The following ADAMTS9 variants were observed in gnomAD, a reference collection of about 807,000 sequenced individuals.
The protein encoded by ADAMTS9 is A disintegrin and metalloproteinase with thrombospondin motifs 9.
Under a neutral mutation model 257.1 loss-of-function variants are expected in ADAMTS9, and 107 were observed. The ratio of observed to expected loss-of-function variants is 0.42; its 90% CI spans 0.36 to 0.49. ADAMTS9 has a LOEUF of 0.49. ADAMTS9 is among the 20% of genes least tolerant of loss of function. The probability of loss-of-function intolerance (pLI) is 0.03; values close to 1 mark genes in which losing one functional copy is unlikely to be tolerated. For missense variants in ADAMTS9, 2,353 were observed against 2,469.1 expected (o/e 0.95, Z 1.00); for synonymous variants, 982 against 880.9 (o/e 1.11, Z -2.03).
In ADAMTS9 at chr3:64,622,422, G is replaced by C. The variant is rs1422438475; in HGVS notation, c.2554C>G (p.Gln852Glu). The C allele has an allele frequency of 1.9e-6, 3 of 1,613,854 alleles. No homozygotes were observed. Reference sequence around the variant, plus strand: ...TGGGCTCATGGTCAAGTTTTTACCTGAAGCAAAAGTTCTTGCTCAATGCGA... The same window carrying C: ...TGGGCTCATGGTCAAGTTTTTACCTCAAGCAAAAGTTCTTGCTCAATGCGA... ...TDRIEQELLL[Q>E]VLSVGKLYNP... The change falls in exon 17 of 40, where the codon CAG (glutamine) becomes GAG (glutamate). Residue 852 changes from glutamine to glutamate, a missense_variant and splice_region_variant. Gln to Glu is a conservative substitution (Grantham distance 29). Transcript: ENST00000498707.
intron 28 of ADAMTS9, among the ~76,000 whole-genome samples, chr3:64,578,582 C>A (rs1192423331): frequency 6.6e-6 from 1 of 152,130 alleles, no homozygotes; most frequent in African/African-American, 2.4e-5. Flanking sequence ...GGATGCTTAA[C>A]CACTGCAAAC....
chr3:64,564,776 A>C (rs7650200), intron 29 of ADAMTS9, among the ~76,000 whole-genome samples: 1 of 151,906 alleles, frequency 6.6e-6, no homozygotes, highest in South Asian at 2.1e-4. Context: ...CCCCATTTGA[A>C]AGCTTAGCTC....
At chr3:64,617,193 A>G (rs1250226530) in intron 19 of ADAMTS9, among the ~76,000 whole-genome samples, 1 of 152,200 alleles carries the variant, frequency 6.6e-6, no homozygotes, top group Non-Finnish European at 1.5e-5. Flanking sequence ...GAAGTGTGGC[A>G]AAAATGTGGC....
intron 16 of ADAMTS9, among the ~76,000 whole-genome samples, 180 bp downstream of exon 16, chr3:64,631,275 A>G (rs149299943): frequency 2.0e-5 from 3 of 152,334 alleles, no homozygotes; most frequent in African/African-American, 7.2e-5. Flanking sequence ...TTTTCAATCA[A>G]TACTCTGAGG....
intron 36 of ADAMTS9, among the ~76,000 whole-genome samples, chr3:64,540,310 T>C (rs1374903731): frequency 1.3e-5 from 2 of 152,230 alleles, no homozygotes; most frequent in African/African-American, 2.4e-5. Context: ...ATAATGTTAA[T>C]GAGGAAAAAT....
At chr3:64,550,128 T>G (rs1466172438) in intron 31 of ADAMTS9, 6 of 152,192 alleles carry the variant, frequency 3.9e-5, no homozygotes, top group African/African-American at 1.4e-4. Flanking sequence ...TTACGATGTT[T>G]GAAAATAATA....
In ADAMTS9 at chr3:64,687,476, G is replaced by A; in HGVS notation, c.115+67C>T. ...GAAGCCTCCGCTGCGGGGTGCCCCTGCCCAGGAGCGAGGACCGGGAGGCGG... is the reference window on the plus strand; with the variant it reads ...GAAGCCTCCGCTGCGGGGTGCCCCTACCCAGGAGCGAGGACCGGGAGGCGG... On this transcript the variant is annotated intron_variant, in intron 1 of 39. Transcript: ENST00000498707. The surrounding 1 kb of genome is among the most constrained non-coding windows in gnomAD (Gnocchi z 4.4). 9 of 1,316,078 alleles carry A rather than the reference G, an allele frequency of 6.8e-6. No individual in the cohort carries two copies. Among genetic ancestry groups the A allele is most frequent in the Non-Finnish European group, 8.3e-6 (8 of 968,624 alleles). 81.5% of individuals were successfully genotyped at this position (1,316,078 alleles called of 1,614,324 possible).
chr3:64,663,234 T>A (rs1411383808), intron 3 of ADAMTS9, among the ~76,000 whole-genome samples: 1 of 152,066 alleles, frequency 6.6e-6, no homozygotes, highest in African/African-American at 2.4e-5. Flanking sequence ...AACTGTACAG[T>A]TTAAATGGGT....
chr3:64,566,754 C>T (rs1348277694), intron 29 of ADAMTS9, among the ~76,000 whole-genome samples: 1 of 149,360 alleles, frequency 6.7e-6, no homozygotes. Context: ...GGCCAAGGAA[C>T]ATTAAAAAAA....
chr3:64,632,031 C>G lies in ADAMTS9; in HGVS notation c.2176-106G>C, dbSNP rs1700378489. ...TGTGCACTAAAAATGACAAGAAAGT[C>G]AAGTCCTTTAAAACTTGGAAAGGTT... On this transcript the variant is annotated intron_variant, in intron 14 of 39. Coordinates refer to ENST00000498707, the MANE Select transcript of ADAMTS9 (RefSeq NM_182920.2). 7.3e-6 allele frequency: 6 copies of G among 824,152 alleles called. No homozygotes were observed. In the Admixed American group the frequency reaches 1.6e-4, roughly 22 times the overall value. 51.1% of individuals were successfully genotyped at this position (824,152 alleles called of 1,614,324 possible).
intron 28 of ADAMTS9, among the ~76,000 whole-genome samples, chr3:64,580,247 G>T (rs2083962505): frequency 6.6e-6 from 1 of 152,134 alleles, no homozygotes; most frequent in Non-Finnish European, 1.5e-5. Context: ...TCACTCTTCT[G>T]TTCCAAAACA....
At position 64,561,430 on chromosome 3, in the gene ADAMTS9, C is replaced by T. The variant is rs138472275; in HGVS notation, c.4698+148G>A. 4.1e-4 allele frequency: 323 copies of T among 781,938 alleles called. No individual in the cohort carries two copies. In the African/African-American group the frequency reaches 5.2e-3, roughly 13 times the overall value. The allele number at this position is 781,938 out of a possible 1,614,324, so 48.4% of individuals were successfully genotyped here. On this transcript the variant is annotated intron_variant, in intron 30 of 39. Transcript: ENST00000498707. ...TCTCCCACCCTTGTTGGAGCGAATG[C>T]GCGAGTCTGACAGTGAACCTTTTGG...
At chr3:64,630,854 G>A (rs910366614) in intron 16 of ADAMTS9, among the ~76,000 whole-genome samples, 3 of 152,048 alleles carry the variant, frequency 2.0e-5, no homozygotes, top group Admixed American at 1.3e-4. Flanking sequence ...CAGGGTCATC[G>A]GCATGTTGTG....
In ADAMTS9 at chr3:64,541,562, A is replaced by G. The variant is rs778176536; in HGVS notation, c.5256T>C (p.Gly1752=). The G allele has an allele frequency of 1.2e-6, 2 of 1,614,062 alleles. No homozygotes were observed. The highest frequency in any genetic ancestry group is 2.2e-5 in the East Asian group (1 of 44,896). Reference sequence around the variant, plus strand: ...TTCCTCTAATCATCAGGAAATATTCACCATCTTCACTGGCACCTTTAAGTC... The same window carrying G: ...TTCCTCTAATCATCAGGAAATATTCGCCATCTTCACTGGCACCTTTAAGTC... The part of the protein sequence containing the change: ...VKRLKGASED[G]EYFLMIRGKL... Residue 1752 remains glycine (G), a synonymous_variant, in exon 34 of 40, where the codon GGT becomes GGC. Coordinates refer to ENST00000498707, the MANE Select transcript of ADAMTS9 (RefSeq NM_182920.2).
Position 64,631,864 on chromosome 3 carries a change from C to A in ADAMTS9, c.2237G>T (p.Gly746Val). Reference protein sequence around the residue: ...KARRDKCGVCGGDNSSCKTVA... With the variant: ...KARRDKCGVCVGDNSSCKTVA... ...TGTTTTGCATGAAGAATTATCGCCACCACAAACCCCACATTTATCTCTCCG... is the reference window on the plus strand; with the variant it reads ...TGTTTTGCATGAAGAATTATCGCCAACACAAACCCCACATTTATCTCTCCG... The change falls in exon 15 of 40, where the codon GGT (glycine) becomes GTT (valine). Residue 746 changes from glycine to valine, a missense_variant. This residue lies in a region of ADAMTS9 where 360 missense variants were observed against 458.1 expected (regional missense o/e 0.79). Transcript: ENST00000498707. The A allele has an allele frequency of 6.2e-7, 1 of 1,614,006 alleles. No homozygotes were observed. The highest frequency in any genetic ancestry group is 8.5e-7 in the Non-Finnish European group (1 of 1,179,954).
intron 30 of ADAMTS9, among the ~76,000 whole-genome samples, chr3:64,559,597 C>T (rs924608397): frequency 3.9e-5 from 6 of 152,118 alleles, no homozygotes; most frequent in Non-Finnish European, 8.8e-5. Flanking sequence ...CTCCTGAAGC[C>T]GTCTATTCTT....
intron 3 of ADAMTS9, among the ~76,000 whole-genome samples, chr3:64,677,978 C>G (rs980212178): frequency 3.3e-5 from 5 of 152,178 alleles, no homozygotes; most frequent in African/African-American, 1.2e-4. Context: ...ATCTCAGAAT[C>G]CTTTTTTGAA....
intron 8 of ADAMTS9, among the ~76,000 whole-genome samples, chr3:64,653,715 C>G (rs1222552584): frequency 6.6e-6 from 1 of 152,162 alleles, no homozygotes; most frequent in Non-Finnish European, 1.5e-5. Context: ...AGAATAATTT[C>G]TAGTCAATTT....
At chr3:64,570,098 G>T (rs982310488) in intron 28 of ADAMTS9, among the ~76,000 whole-genome samples, 1 of 152,186 alleles carries the variant, frequency 6.6e-6, no homozygotes, top group Admixed American at 6.5e-5. Flanking sequence ...TCTCTGAAAA[G>T]AAAATAATAT....
Sources: allele counts gnomAD v4.1 joint callset (sites outside exome capture counted in the v4.1 genomes callset), GRCh38; gene constraint gnomAD v4.1.1; regional missense constraint gnomAD v4.1.1; non-coding constraint Gnocchi (gnomAD v3.1); transcripts MANE v1.5; gene names NCBI Gene and HGNC (gene_info 2026-07-23, HGNC 2026-07-21).